Variants in FRMD4A observed in about 807,000 individuals in gnomAD.
FRMD4A encodes the protein FERM domain-containing protein 4A.
In FRMD4A, 29 loss-of-function variants were observed where a neutral mutation model predicts 129.1. The ratio of observed to expected loss-of-function variants is 0.22; its 90% CI spans 0.17 to 0.31. FRMD4A has a LOEUF of 0.31. Among genes scored for constraint, FRMD4A ranks in the 10% least tolerant of loss-of-function variants. FRMD4A has a pLI of 1.00. For synonymous variants in FRMD4A, 634 were observed against 571.6 expected, an observed-to-expected ratio of 1.11 and a Z score of -1.56; for missense variants, 1,272 against 1,375.8, an observed-to-expected ratio of 0.92 and a Z score of 1.19.
At chr10:14,096,442 TA>T (rs1836965463) in intron 2 of FRMD4A, among the ~76,000 whole-genome samples, 2 of 152,188 alleles carry the variant, frequency 1.3e-5, no homozygotes, top group Admixed American at 6.5e-5. Context: ...TGGCAACAGT[TA>T]TGGAGAGAGA....
chr10:14,036,585 T>C (rs1035689854), intron 2 of FRMD4A, among the ~76,000 whole-genome samples: 21 of 152,188 alleles, frequency 1.4e-4, no homozygotes, highest in African/African-American at 5.1e-4. Context: ...CACTGATTTT[T>C]ACCTCTTCTC....
intron 2 of FRMD4A, among the ~76,000 whole-genome samples, chr10:14,092,842 G>A (rs1836735301): frequency 6.6e-6 from 1 of 152,218 alleles, no homozygotes; most frequent in Non-Finnish European, 1.5e-5. Flanking sequence ...CAGCAAGATA[G>A]GACTAGATGA....
At chr10:14,031,751 CTTTGG>C (rs202169926) in intron 2 of FRMD4A, among the ~76,000 whole-genome samples, 3,039 of 152,262 alleles carry the variant, frequency 0.02, 91 homozygotes, top group African/African-American at 0.068. Context: ...ATGTTCTGCA[CTTTGG>C]ACAACTTTGA....
chr10:13,830,594 C>T (rs1424156278), intron 3 of FRMD4A, among the ~76,000 whole-genome samples: 2 of 152,172 alleles, frequency 1.3e-5, no homozygotes, highest in Non-Finnish European at 2.9e-5. Flanking sequence ...CCCTGCAGAA[C>T]CAGCACAAGG....
intron 2 of FRMD4A, among the ~76,000 whole-genome samples, chr10:14,307,322 A>T (rs936386847): frequency 6.6e-6 from 1 of 152,216 alleles, no homozygotes; most frequent in Non-Finnish European, 1.5e-5. Flanking sequence ...AATCAGGGAG[A>T]ATGTCCACAA....
At chr10:14,053,610 G>A (rs11258836) in intron 2 of FRMD4A, among the ~76,000 whole-genome samples, 3 of 151,886 alleles carry the variant, frequency 2.0e-5, no homozygotes, top group Non-Finnish European at 2.9e-5. Context: ...CCAGGAGAAC[G>A]TGGTTTTAGT....
At chr10:13,774,268 G>C (rs2092541376) in intron 6 of FRMD4A, among the ~76,000 whole-genome samples, 1 of 152,350 alleles carries the variant, frequency 6.6e-6, no homozygotes, top group African/African-American at 2.4e-5. Flanking sequence ...TGGAAGGGAA[G>C]AGAAAGTGAG....
chr10:13,957,211 G>C (rs2095414697), intron 2 of FRMD4A, among the ~76,000 whole-genome samples: 1 of 152,190 alleles, frequency 6.6e-6, no homozygotes, highest in Non-Finnish European at 1.5e-5. Flanking sequence ...AGACCTTAGG[G>C]AGGTTACAGT....
At chr10:14,148,818 G>A (rs1054400595) in intron 2 of FRMD4A, among the ~76,000 whole-genome samples, 14 of 151,972 alleles carry the variant, frequency 9.2e-5, no homozygotes, top group Non-Finnish European at 1.3e-4. Context: ...CTGTTTCCAG[G>A]AGGACTTACA....
chr10:14,288,497 T>C (rs948190838), intron 2 of FRMD4A, among the ~76,000 whole-genome samples: 2 of 152,222 alleles, frequency 1.3e-5, no homozygotes, highest in Non-Finnish European at 2.9e-5. Context: ...TAAAGGATGC[T>C]GCATTATGGA....
In FRMD4A at chr10:13,654,429, T is replaced by A. The variant is rs748112574; in HGVS notation, c.3037A>T (p.Thr1013Ser). ...TPPSSPHHILTWQTGEATENS... is the reference protein window; with the variant it reads ...TPPSSPHHILSWQTGEATENS... ...AGGAGAACTCACCCAGTCTGCCAGGTTAGGATGTGGTGGGGGCTGCTTGGG... is the reference window on the plus strand; with the variant it reads ...AGGAGAACTCACCCAGTCTGCCAGGATAGGATGTGGTGGGGGCTGCTTGGG... Residue 1013 changes from threonine (T) to serine (S), a missense_variant, in exon 23 of 25, where the codon ACC becomes TCC. Thr to Ser is a moderately conservative substitution (Grantham distance 58). Coordinates refer to ENST00000357447, the MANE Select transcript of FRMD4A (RefSeq NM_018027.5). The A allele has an allele frequency of 1.2e-6, 2 of 1,607,206 alleles. No individual in the cohort carries two copies.
At chr10:13,981,787 A>G (rs2095562355) in intron 2 of FRMD4A, among the ~76,000 whole-genome samples, 1 of 147,716 alleles carries the variant, frequency 6.8e-6, no homozygotes, top group African/African-American at 2.5e-5. Context: ...AGCAGGCTGG[A>G]GACTGCTCCA....
intron 2 of FRMD4A, among the ~76,000 whole-genome samples, chr10:14,102,789 C>T (rs13313129): frequency 0.091 from 13,614 of 149,560 alleles, 2,039 homozygotes; most frequent in African/African-American, 0.31. Flanking sequence ...AAAAGTCCTG[C>T]AGAAATGAAT....
chr10:13,902,471 G>GAGAT (rs2094831378), intron 2 of FRMD4A, among the ~76,000 whole-genome samples: 1 of 151,668 alleles, frequency 6.6e-6, no homozygotes, highest in African/African-American at 2.4e-5. Flanking sequence ...GAGAGAGAGA[G>GAGAT]AGAGAGAGAG....
intron 2 of FRMD4A, among the ~76,000 whole-genome samples, chr10:14,154,981 T>C (rs1589090679): frequency 6.6e-6 from 1 of 152,336 alleles, no homozygotes; most frequent in African/African-American, 2.4e-5. Flanking sequence ...AATCCTCTTA[T>C]ACTCTTTGTG....
intron 2 of FRMD4A, among the ~76,000 whole-genome samples, chr10:13,987,779 G>C (rs924166553): frequency 1.3e-5 from 2 of 152,182 alleles, no homozygotes; most frequent in Non-Finnish European, 2.9e-5. Context: ...TCTGAGACCT[G>C]ACTTCCTGTT....
chr10:13,875,184 G>A (rs1312718754), intron 2 of FRMD4A, among the ~76,000 whole-genome samples: 2 of 152,162 alleles, frequency 1.3e-5, no homozygotes, highest in East Asian at 3.8e-4. Context: ...GCTGGACACC[G>A]TCTTTATGAA....
chr10:13,667,632 G>C (rs944276172), intron 17 of FRMD4A: 3 of 152,272 alleles, frequency 2.0e-5, no homozygotes, highest in Admixed American at 1.3e-4. Context: ...ATGTGTGCGT[G>C]AGGATTTGGG....
At chr10:13,707,526 G>C (rs532504957) in intron 12 of FRMD4A, 2 of 1,005,208 alleles carry the variant, frequency 2.0e-6, no homozygotes, top group East Asian at 1.9e-4. Context: ...AGGAGCGAGC[G>C]CTCAGGAGGG....
Sources: allele counts gnomAD v4.1 joint callset (sites outside exome capture counted in the v4.1 genomes callset), GRCh38; gene constraint gnomAD v4.1.1; transcripts MANE v1.5; gene names NCBI Gene and HGNC (gene_info 2026-07-23, HGNC 2026-07-21).